PHLDB2: variants seen among roughly 807,000 people sequenced by gnomAD.
PHLDB2 encodes pleckstrin homology like domain family B member 2.
PHLDB2 carries 71 observed loss-of-function variants against 123.6 expected under a neutral mutation model. The ratio of observed to expected loss-of-function variants is 0.57; its 90% CI spans 0.47 to 0.70. The LOEUF is 0.70. Ranked by LOEUF, PHLDB2 falls within the 30% of genes least tolerant of loss-of-function variation. The probability of loss-of-function intolerance (pLI) is 0.00; values close to 1 mark genes in which losing one functional copy is unlikely to be tolerated. For synonymous variants in PHLDB2, 547 were observed against 541.6 expected (o/e 1.01, Z -0.14); for missense variants, 1,446 against 1,519.5 (o/e 0.95, Z 0.80).
chr3:111,905,055 CTAAT>C (rs1027537926), intron 2 of PHLDB2, among the ~76,000 whole-genome samples: 6 of 152,172 alleles, frequency 3.9e-5, no homozygotes, highest in Non-Finnish European at 8.8e-5. Context: ...AGCGGGCCCT[CTAAT>C]TAGGTTACTA....
intron 1 of PHLDB2, among the ~76,000 whole-genome samples, chr3:111,754,007 A>G (rs1576513985): frequency 6.6e-6 from 1 of 152,074 alleles, no homozygotes; most frequent in African/African-American, 2.4e-5. Context: ...CCATTGATCT[A>G]TATCTCTGTT....
At chr3:111,965,676 A>C (rs1353683523) in intron 13 of PHLDB2, among the ~76,000 whole-genome samples, 2 of 152,210 alleles carry the variant, frequency 1.3e-5, no homozygotes, top group Non-Finnish European at 2.9e-5. Flanking sequence ...GAAGGCAGGT[A>C]CTTAAATGAG....
At chr3:111,887,300 A>AT (rs1351450814) in intron 2 of PHLDB2, among the ~76,000 whole-genome samples, 1 of 151,948 alleles carries the variant, frequency 6.6e-6, no homozygotes, top group Non-Finnish European at 1.5e-5. Flanking sequence ...GAAGTTATAT[A>AT]TTTTTTCTTT....
chr3:111,889,464 G>A (rs1165582462), intron 2 of PHLDB2, among the ~76,000 whole-genome samples: 1 of 152,046 alleles, frequency 6.6e-6, no homozygotes, highest in African/African-American at 2.4e-5. Flanking sequence ...CACTTTGGGA[G>A]GCCAAGGTGG....
At chr3:111,735,549 C>T (rs560845138) in intron 1 of PHLDB2, among the ~76,000 whole-genome samples, 1 of 152,268 alleles carries the variant, frequency 6.6e-6, no homozygotes, top group African/African-American at 2.4e-5. Context: ...AGTGACTTGC[C>T]TCACATGTAT....
chr3:111,862,314 T>C (rs1194408978), intron 1 of PHLDB2, among the ~76,000 whole-genome samples: 2 of 152,234 alleles, frequency 1.3e-5, no homozygotes, highest in African/African-American at 4.8e-5. Flanking sequence ...AAAGTCTTGG[T>C]GTACCAATTG....
chr3:111,936,619 G>GTTT (rs2069508577), intron 6 of PHLDB2, among the ~76,000 whole-genome samples: 1 of 152,118 alleles, frequency 6.6e-6, no homozygotes, highest in African/African-American at 2.4e-5. Flanking sequence ...TCATGCAGTG[G>GTTT]TTTAAGTATT....
At chr3:111,812,670 C>T (rs2061892916) in intron 1 of PHLDB2, among the ~76,000 whole-genome samples, 2 of 152,296 alleles carry the variant, frequency 1.3e-5, no homozygotes, top group Admixed American at 1.3e-4. Context: ...TTCAAAGCAG[C>T]TTCATTAAGA....
upstream of PHLDB2, chr3:111,859,128 A>T (rs2108639465): frequency 1.0e-6 from 1 of 973,742 alleles, no homozygotes; most frequent in African/African-American, 1.7e-5. Context: ...CCCCGGGGCG[A>T]ACTGTCGGAA....
At chr3:111,935,058 A>G (rs1261671448) in intron 6 of PHLDB2, among the ~76,000 whole-genome samples, 1 of 145,500 alleles carries the variant, frequency 6.9e-6, no homozygotes, top group Non-Finnish European at 1.5e-5. Context: ...TGCTTTTGAT[A>G]TTTACTCAAA....
chr3:111,905,163 G>A (rs2067438333), intron 2 of PHLDB2, among the ~76,000 whole-genome samples: 1 of 152,180 alleles, frequency 6.6e-6, no homozygotes, highest in African/African-American at 2.4e-5. Context: ...TTAAAATACA[G>A]GTGGGGATTG....
rs568071441 is a variant in PHLDB2, at chr3:111,850,596, T to A, written c.67+4661T>A. Reference sequence around the variant, plus strand: ...GCCTGGGCAATGTAGCAAGATCCCATCTCTACAAAAAAATTTTAAAATCTG... The same window carrying A: ...GCCTGGGCAATGTAGCAAGATCCCAACTCTACAAAAAAATTTTAAAATCTG... On this transcript the variant is annotated intron_variant, in intron 2 of 17. Coordinates refer to the PHLDB2 transcript ENST00000393923. Among the ~76,000 whole-genome samples the A allele has an allele frequency of 1.6e-4, 24 of 152,234 alleles. 1 individual carries two copies. In the South Asian group the frequency reaches 5.0e-3, roughly 32 times the overall value.
intron 2 of PHLDB2, among the ~76,000 whole-genome samples, chr3:111,904,899 A>G (rs1199424121): frequency 6.6e-6 from 1 of 152,216 alleles, no homozygotes; most frequent in African/African-American, 2.4e-5. Context: ...TCTAAGTGTC[A>G]TAGATGAACA....
intron 12 of PHLDB2, among the ~76,000 whole-genome samples, chr3:111,955,071 A>G (rs181484335): frequency 6.6e-6 from 1 of 151,584 alleles, no homozygotes; most frequent in Admixed American, 6.6e-5. Flanking sequence ...CATATATGTA[A>G]TACATATATG....
chr3:111,945,613 G>T (rs1313830011), intron 9 of PHLDB2, among the ~76,000 whole-genome samples: 1 of 152,018 alleles, frequency 6.6e-6, no homozygotes, highest in Non-Finnish European at 1.5e-5. Context: ...ACTTTGCTGG[G>T]TGGTGACATT....
At chr3:111,903,568 A>G (rs2067322710) in intron 2 of PHLDB2, among the ~76,000 whole-genome samples, 3 of 152,082 alleles carry the variant, frequency 2.0e-5, no homozygotes, top group Admixed American at 6.5e-5. Context: ...TTTTTCCTGT[A>G]TTTCCTTTCC....
intron 2 of PHLDB2, among the ~76,000 whole-genome samples, chr3:111,892,371 C>A (rs576081099): frequency 6.6e-6 from 1 of 152,252 alleles, no homozygotes; most frequent in East Asian, 1.9e-4. Context: ...GGGACCATAC[C>A]TATCTTGCTC....
chr3:111,879,986 T>C (rs2065855781), intron 1 of PHLDB2, among the ~76,000 whole-genome samples: 3 of 13,674 alleles, frequency 2.2e-4, no homozygotes, highest in South Asian at 8.8e-3. Flanking sequence ...ACCCACTGCC[T>C]TTTTTTTTTT....
chr3:111,859,979 T>G (rs1576915463), intron 1 of PHLDB2: 6 of 827,286 alleles, frequency 7.3e-6, no homozygotes, highest in South Asian at 5.6e-5. Context: ...CGCAGCTGGG[T>G]GGGTGGGGGT....
Sources: allele counts gnomAD v4.1 joint callset (sites outside exome capture counted in the v4.1 genomes callset), GRCh38; gene constraint gnomAD v4.1.1; transcripts MANE v1.5; gene names NCBI Gene and HGNC (gene_info 2026-07-23, HGNC 2026-07-21).